Variants in ATP2B1 observed in about 807,000 individuals in gnomAD.
The protein encoded by ATP2B1 is ATPase plasma membrane Ca2+ transporting 1, also known as plasma membrane calcium-transporting ATPase 1.
A neutral mutation model predicts 124.2 loss-of-function variants in ATP2B1; 14 were observed. The observed-to-expected ratio is 0.11, with a 90% CI of 0.07 to 0.18. The LOEUF (loss-of-function observed/expected upper bound fraction) is 0.18, where lower values mean the gene tolerates loss of function less well. Among genes scored for constraint, ATP2B1 ranks in the 10% least tolerant of loss-of-function variants. The probability of loss-of-function intolerance (pLI) is 1.00; values close to 1 mark genes in which losing one functional copy is unlikely to be tolerated. For missense variants in ATP2B1, 763 were observed against 1,466.1 expected, an observed-to-expected ratio of 0.52 and a Z score of 7.83; for synonymous variants, 449 against 492.4, an observed-to-expected ratio of 0.91 and a Z score of 1.17.
At chr12:89,622,736 A>C (rs905173383) in intron 9 of ATP2B1, among the ~76,000 whole-genome samples, 4 of 152,188 alleles carry the variant, frequency 2.6e-5, no homozygotes, top group Non-Finnish European at 4.4e-5. Context: ...AGTTTTGTGA[A>C]ACACTAACAG....
chr12:89,659,617 G>A (rs368190161), intron 1 of ATP2B1, among the ~76,000 whole-genome samples: 2 of 152,062 alleles, frequency 1.3e-5, no homozygotes, highest in Admixed American at 6.6e-5. Flanking sequence ...GCAAGGAAAC[G>A]TTGTGTGAAA....
intron 1 of ATP2B1, among the ~76,000 whole-genome samples, chr12:89,672,373 G>C (rs962572419): frequency 6.6e-6 from 1 of 152,096 alleles, no homozygotes; most frequent in Non-Finnish European, 1.5e-5. Flanking sequence ...AGGATTGCTT[G>C]AATCTGGGAG....
At chr12:89,601,540 A>G in intron 18 of ATP2B1, 107 bp from the exon 19 acceptor site, 1 of 606,358 alleles carries the variant, frequency 1.6e-6, no homozygotes, top group Non-Finnish European at 2.7e-6. Context: ...AACAACCACT[A>G]TTCTGATGAA....
intron 20 of ATP2B1, among the ~76,000 whole-genome samples, chr12:89,597,416 G>A (rs1283753059): frequency 6.6e-6 from 1 of 152,184 alleles, no homozygotes; most frequent in African/African-American, 2.4e-5. Flanking sequence ...TCGTAGAGAA[G>A]TTATTTAAAC....
chr12:89,656,287 T>C (rs1030737338), intron 1 of ATP2B1, among the ~76,000 whole-genome samples, 180 bp from the exon 2 acceptor site: 7 of 152,196 alleles, frequency 4.6e-5, no homozygotes, highest in Admixed American at 2.0e-4. Flanking sequence ...AGTACAACTT[T>C]TAAATAAAAC....
At chr12:89,654,483 T>C (rs1375185885) in intron 2 of ATP2B1, among the ~76,000 whole-genome samples, 1 of 152,192 alleles carries the variant, frequency 6.6e-6, no homozygotes, top group African/African-American at 2.4e-5. Flanking sequence ...TAACAGGTCT[T>C]GCAGGCAAAG....
chr12:89,595,619 A>G (rs1173197348), intron 20 of ATP2B1, among the ~76,000 whole-genome samples: 1 of 152,114 alleles, frequency 6.6e-6, no homozygotes, highest in Non-Finnish European at 1.5e-5. Context: ...AAACTATTCC[A>G]TATTAGGGCA....
intron 1 of ATP2B1, among the ~76,000 whole-genome samples, chr12:89,674,705 G>A (rs1888407957): frequency 6.6e-6 from 1 of 152,154 alleles, no homozygotes; most frequent in Non-Finnish European, 1.5e-5. Flanking sequence ...AGTGAGGCAG[G>A]TTAAGAAATT....
At chr12:89,642,833 G>A (rs1565860912) in intron 2 of ATP2B1, among the ~76,000 whole-genome samples, 1 of 151,894 alleles carries the variant, frequency 6.6e-6, no homozygotes, top group African/African-American at 2.4e-5. Flanking sequence ...TTGAACTCCT[G>A]ACCTAAGGTG....
At chr12:89,652,032 A>G (rs747921214) in intron 2 of ATP2B1, among the ~76,000 whole-genome samples, 2 of 152,182 alleles carry the variant, frequency 1.3e-5, no homozygotes, top group African/African-American at 4.8e-5. Flanking sequence ...CAGAAATCCA[A>G]TATCGACACC....
chr12:89,708,499 CCGCCGCG>C (rs1892797450), intron 1 of ATP2B1, 90 bp downstream of exon 1: 1 of 152,072 alleles, frequency 6.6e-6, no homozygotes, highest in Admixed American at 6.5e-5. Context: ...ATCAGGATCC[CCGCCGCG>C]ACGCCCGACC....
chr12:89,621,894 G>T, intron 9 of ATP2B1, 103 bp from the exon 10 acceptor site: 1 of 1,194,486 alleles, frequency 8.4e-7, no homozygotes, highest in Non-Finnish European at 1.1e-6. Context: ...AAAACTCCCA[G>T]CTTTCTATAA....
Position 89,621,778 on chromosome 12 carries a change from T to C in ATP2B1, c.1358A>G (p.Asp453Gly). ...LAYSVKKMMK[D>G]NNLVRHLDAC... ...ATCCAGATGCCTTACTAAGTTATTA[T>C]CTTTCATCATTTTCTACAGTGACCA... The change falls in exon 10 of 21, where the codon GAT (aspartate) becomes GGT (glycine). Residue 453 changes from aspartate to glycine, a missense_variant. By Grantham distance (94) the Asp-to-Gly change is moderately conservative. This residue lies in a region of ATP2B1 where 392 missense variants were observed against 776.6 expected (regional missense o/e 0.50). Coordinates refer to ENST00000428670, the MANE Select transcript of ATP2B1 (RefSeq NM_001366521.1). 6.4e-7 allele frequency: 1 copy of C among 1,555,290 alleles called. No homozygotes were observed. The highest frequency in any genetic ancestry group is 8.6e-7 in the Non-Finnish European group (1 of 1,157,318).
At chr12:89,596,500 T>G (rs1874645080) in intron 20 of ATP2B1, among the ~76,000 whole-genome samples, 1 of 152,104 alleles carries the variant, frequency 6.6e-6, no homozygotes, top group East Asian at 1.9e-4. Context: ...ACTAACTGTC[T>G]GTTAGATAAT....
intron 1 of ATP2B1, among the ~76,000 whole-genome samples, chr12:89,678,015 CACAT>C (rs1381829794): frequency 2.5e-4 from 35 of 140,944 alleles, no homozygotes; most frequent in African/African-American, 8.7e-4. Flanking sequence ...CACACACACA[CACAT>C]ATACAGAATG....
chr12:89,633,164 A>G (rs1340245564), intron 5 of ATP2B1, among the ~76,000 whole-genome samples: 1 of 152,180 alleles, frequency 6.6e-6, no homozygotes, highest in East Asian at 1.9e-4. Context: ...CAAGGTAAGT[A>G]GAATGAGTTA....
At chr12:89,682,585 C>T (rs1296700582) in intron 1 of ATP2B1, among the ~76,000 whole-genome samples, 5 of 152,152 alleles carry the variant, frequency 3.3e-5, no homozygotes, top group Non-Finnish European at 2.9e-5. Flanking sequence ...ATGGTAGTAG[C>T]TTAAATCATT....
Position 89,621,616 on chromosome 12 carries a change from G to T in ATP2B1, c.1520C>A (p.Pro507Gln). 1 of 1,610,444 alleles carries T rather than the reference G, an allele frequency of 6.2e-7. No homozygotes were observed. Among genetic ancestry groups the T allele is most frequent in the Non-Finnish European group, 8.5e-7 (1 of 1,177,572 alleles). Residue 507 changes from proline (P) to glutamine (Q), a missense_variant, in exon 10 of 21, where the codon CCA (proline) becomes CAA (glutamine). Pro to Gln is a moderately conservative substitution (Grantham distance 76, BLOSUM62 -1). Transcript: ENST00000428670. The stretch of plus-strand genomic sequence containing the variant: ...TACAAGATAGGACAAAATATTTGGT[G>T]GAATAGCTTCTGGTTCAGGAACCTT... ...YKKVPEPEAI[P>Q]PNILSYLVTG...
intron 3 of ATP2B1, among the ~76,000 whole-genome samples, chr12:89,636,734 G>A (rs1178606795): frequency 6.6e-6 from 1 of 152,082 alleles, no homozygotes; most frequent in Admixed American, 6.5e-5. Flanking sequence ...AAGACTTGAC[G>A]TGAACAGTTA....
Sources: gnomAD v4.1 joint callset for allele counts (sites outside exome capture counted in the v4.1 genomes callset) on GRCh38, gnomAD v4.1.1 for gene constraint, gnomAD v4.1.1 regional missense constraint, MANE v1.5 for transcripts, NCBI Gene and HGNC (gene_info 2026-07-23, HGNC 2026-07-21) for gene names.